ASIP: variants seen among roughly 807,000 people sequenced by gnomAD.
ASIP encodes the protein agouti signaling protein.
ASIP carries 11 observed loss-of-function variants against 10.3 expected under a neutral mutation model. The observed-to-expected ratio is 1.07, with a 90% CI of 0.68 to 1.78. ASIP has a LOEUF of 1.78. Among genes scored for constraint, ASIP ranks in the 40% most tolerant of loss-of-function variants. The pLI, the probability that ASIP is intolerant of heterozygous loss-of-function variation, is 0.00. For missense variants in ASIP, 180 were observed against 169.2 expected (o/e 1.06, Z -0.35); for synonymous variants, 70 against 70.8 (o/e 0.99, Z 0.06).
At chr20:34,214,515 T>C in intron 1 of ASIP, 3 of 1,506,782 alleles carry the variant, frequency 2.0e-6, no homozygotes, top group Non-Finnish European at 2.8e-6. Flanking sequence ...TATACAGCAA[T>C]CTTATTGCTA....
At chr20:34,216,293 T>C (rs1425310560) in intron 1 of ASIP, among the ~76,000 whole-genome samples, 1 of 152,176 alleles carries the variant, frequency 6.6e-6, no homozygotes, top group East Asian at 1.9e-4. Flanking sequence ...CGAAGCGCCC[T>C]CTCCGAGTAG....
chr20:34,269,004 TG>T lies in ASIP; in HGVS notation c.237del (p.Met79IlefsTer79). 6.2e-7 allele frequency: 1 copy of T among 1,607,192 alleles called. No homozygotes were observed. Among genetic ancestry groups the T allele is most frequent in the Non-Finnish European group, 8.5e-7 (1 of 1,177,504 alleles). ...KKRSSKKEAS[M>X]KKVVRPRTPL... Reference sequence around the variant, plus strand: ...TTTCCCACGCAGAAGGAGGCTTCGATGAAGAAAGTGGTGCGGCCCCGGACCC... The same window carrying T: ...TTTCCCACGCAGAAGGAGGCTTCGATAAGAAAGTGGTGCGGCCCCGGACCC... On this transcript the variant is annotated frameshift_variant, in exon 4 of 4. Coordinates refer to ENST00000374954, the MANE Select transcript of ASIP (RefSeq NM_001672.3). LOFTEE classifies it high-confidence loss of function.
chr20:34,214,886 TTTCA>T, intron 1 of ASIP: 1 of 1,596,804 alleles, frequency 6.3e-7, no homozygotes, highest in Non-Finnish European at 8.6e-7. Flanking sequence ...GCCACTTTTG[TTTCA>T]ATAGCTTGTA....
At chr20:34,198,634 T>C (rs1233256048) in intron 1 of ASIP, among the ~76,000 whole-genome samples, 2 of 151,940 alleles carry the variant, frequency 1.3e-5, no homozygotes, top group Non-Finnish European at 2.9e-5. Context: ...TACAGGCACA[T>C]ACCACCATGC....
chr20:34,258,700 A>ATATATATATATATACACACACACATAC (rs1555826880), intron 1 of ASIP, among the ~76,000 whole-genome samples: 2 of 77,918 alleles, frequency 2.6e-5, no homozygotes, highest in African/African-American at 4.7e-5. Context: ...TACATACTAT[A>ATATATATATATATACACACACACATAC]TATATATATT....
chr20:34,262,506 G>T (rs1262772689), intron 2 of ASIP, among the ~76,000 whole-genome samples: 1 of 152,194 alleles, frequency 6.6e-6, no homozygotes, highest in Non-Finnish European at 1.5e-5. Flanking sequence ...GAAGGAAGGG[G>T]CACCTGGGGT....
intron 1 of ASIP, among the ~76,000 whole-genome samples, chr20:34,232,220 CT>C (rs2122580315): frequency 1.3e-5 from 2 of 152,330 alleles, no homozygotes; most frequent in East Asian, 3.9e-4. Context: ...CTCAAAGTTG[CT>C]TGCTGCAAAG....
In ASIP at chr20:34,269,286, T is replaced by C; in HGVS notation, c.*119T>C. ...GCAGGCGGGCGGAGGTTCCAGGAGATGGGACTTCAGGGAGACCTGGCTTGG... is the reference window on the plus strand; with the variant it reads ...GCAGGCGGGCGGAGGTTCCAGGAGACGGGACTTCAGGGAGACCTGGCTTGG... On this transcript the variant is annotated 3_prime_UTR_variant, in exon 4 of 4. Transcript: ENST00000374954. 1.6e-6 allele frequency: 2 copies of C among 1,276,678 alleles called. No homozygotes were observed. Among genetic ancestry groups the C allele is most frequent in the Non-Finnish European group, 2.1e-6 (2 of 967,184 alleles). 79.1% of individuals were successfully genotyped at this position (1,276,678 alleles called of 1,614,324 possible). A position where few individuals can be genotyped will look rare whatever the true frequency, so the allele number is the denominator to read the frequency against.
intron 1 of ASIP, among the ~76,000 whole-genome samples, chr20:34,235,688 G>A (rs2035171871): frequency 2.0e-5 from 3 of 151,366 alleles, no homozygotes; most frequent in Admixed American, 1.3e-4. Flanking sequence ...GGAGGCAGGG[G>A]TGGGAGGATT....
intron 1 of ASIP, among the ~76,000 whole-genome samples, chr20:34,203,161 A>T (rs1390934545): frequency 6.6e-6 from 1 of 152,056 alleles, no homozygotes; most frequent in Non-Finnish European, 1.5e-5. Flanking sequence ...TCTACCAAAA[A>T]AAACCCTGCT....
chr20:34,206,710 C>A (rs781232169), intron 1 of ASIP, among the ~76,000 whole-genome samples: 1 of 152,176 alleles, frequency 6.6e-6, no homozygotes, highest in Non-Finnish European at 1.5e-5. Context: ...TCAAGAGTAG[C>A]TGGGACTACA....
intron 1 of ASIP, among the ~76,000 whole-genome samples, chr20:34,203,636 A>G (rs2034915600): frequency 6.6e-6 from 1 of 152,056 alleles, no homozygotes; most frequent in South Asian, 2.1e-4. Context: ...ACTTCAAGTG[A>G]TCCTCCCACC....
At chr20:34,236,081 A>G (rs992058990) in intron 1 of ASIP, among the ~76,000 whole-genome samples, 4 of 143,590 alleles carry the variant, frequency 2.8e-5, no homozygotes, top group Non-Finnish European at 6.1e-5. Context: ...AAAGAGAAAG[A>G]GAAGGAAGGA....
intron 1 of ASIP, among the ~76,000 whole-genome samples, chr20:34,210,038 T>A (rs2034963527): frequency 1.3e-5 from 2 of 152,198 alleles, no homozygotes. Context: ...AGAGAGGAGC[T>A]GCCCACTCCA....
chr20:34,246,253 CTT>C (rs934653504), intron 1 of ASIP: 1 of 1,550,798 alleles, frequency 6.4e-7, no homozygotes, highest in Non-Finnish European at 8.7e-7. Context: ...TTCCACCTCT[CTT>C]CTGTTTTTTC....
At chr20:34,204,365 CA>C (rs1257847338) in intron 1 of ASIP, among the ~76,000 whole-genome samples, 2 of 151,858 alleles carry the variant, frequency 1.3e-5, no homozygotes, top group Non-Finnish European at 2.9e-5. Context: ...GGATTATAGG[CA>C]CACGCCACCA....
In ASIP at chr20:34,246,569, A is replaced by G. The variant is rs559531889; in HGVS notation, c.-11+5080A>G. On this transcript the variant is annotated intron_variant, in intron 1 of 3. Transcript: ENST00000374954. ...CAACCTCTGCCTCCGGGCTCAAGCA[A>G]TCCTCCCACCTCAGCCTCCTAGGAC... 17 of 798,626 alleles carry G rather than the reference A, an allele frequency of 2.1e-5. No homozygotes were observed. The East Asian group carries it at 2.6e-4, about 12-fold the overall frequency. The allele number at this position is 798,626 out of a possible 1,614,324, so 49.5% of individuals were successfully genotyped here.
rs948513906 is a variant in ASIP, at chr20:34,254,212, G to A, written c.-10-6153G>A. ...CAAGTAGTTGGGATTACAGGCATGC[G>A]CCACCACACCCAGCTAATTTTTGTA... On this transcript the variant is annotated intron_variant, in intron 1 of 3. Coordinates refer to ENST00000374954, the MANE Select transcript of ASIP (RefSeq NM_001672.3). Among the ~76,000 whole-genome samples the A allele has an allele frequency of 2.6e-5, 4 of 152,194 alleles. No individual in the cohort carries two copies. The South Asian group carries it at 6.2e-4, about 24-fold the overall frequency.
intron 1 of ASIP, chr20:34,215,168 C>T: frequency 6.3e-7 from 1 of 1,599,384 alleles, no homozygotes; most frequent in South Asian, 1.1e-5. Context: ...TCACATGCTT[C>T]TTCCCGTAGA....
Sources: allele counts gnomAD v4.1 joint callset (sites outside exome capture counted in the v4.1 genomes callset), GRCh38; gene constraint gnomAD v4.1.1; transcripts MANE v1.5; gene names NCBI Gene and HGNC (gene_info 2026-07-23, HGNC 2026-07-21).